Variants in TTC29 observed in about 807,000 individuals in gnomAD.
TTC29 encodes the protein tetratricopeptide repeat protein 29.
Under a neutral mutation model 58.1 loss-of-function variants are expected in TTC29, and 49 were observed. That is an observed-to-expected ratio of 0.84 (90% CI 0.67 to 1.07). TTC29 has a LOEUF of 1.07. Among genes scored for constraint, TTC29 ranks in the 50% least tolerant of loss-of-function variants. TTC29 has a pLI of 0.00. For synonymous variants in TTC29, 209 were observed against 196.8 expected (o/e 1.06, Z -0.52); for missense variants, 582 against 555.6 (o/e 1.05, Z -0.48).
intron 10 of TTC29, among the ~76,000 whole-genome samples, chr4:146,816,402 A>T (rs936191220): frequency 6.6e-6 from 1 of 152,190 alleles, no homozygotes; most frequent in Non-Finnish European, 1.5e-5. Flanking sequence ...AGAGGAGTCA[A>T]TAAAGGCAAA....
Position 146,867,568 on chromosome 4 carries a change from A to C in TTC29, c.815T>G (p.Met272Arg). 6.5e-7 allele frequency: 1 copy of C among 1,530,250 alleles called. No individual in the cohort carries two copies. Among genetic ancestry groups the C allele is most frequent in the African/African-American group, 1.4e-5 (1 of 72,408 alleles). 94.8% of individuals were successfully genotyped at this position (1,530,250 alleles called of 1,614,324 possible). ...EIAKEGSDKK[M>R]EAEASYYLGL... ...CAAGTAGTAAGAGGCTTCCGCTTCC[A>C]TCTTTTTGTCACTTCCTGAAGTGAA... Residue 272 changes from methionine (M) to arginine (R), a missense_variant, in exon 8 of 13, where the codon ATG (methionine) becomes AGG (arginine). Met to Arg is a moderately conservative substitution (Grantham distance 91). Transcript: ENST00000325106.
intron 6 of TTC29, among the ~76,000 whole-genome samples, chr4:146,876,026 C>T (rs753405276): frequency 1.3e-4 from 20 of 152,204 alleles, no homozygotes; most frequent in Non-Finnish European, 2.8e-4. Context: ...TATCTAGGCA[C>T]TCCAACCATA....
intron 6 of TTC29, among the ~76,000 whole-genome samples, chr4:146,879,835 T>C (rs1731506544): frequency 6.6e-6 from 1 of 152,160 alleles, no homozygotes; most frequent in East Asian, 1.9e-4. Flanking sequence ...ATACAAAGGT[T>C]AACAGAAAAC....
At chr4:146,818,869 A>G (rs1034183527) in intron 10 of TTC29, among the ~76,000 whole-genome samples, 1 of 151,118 alleles carries the variant, frequency 6.6e-6, no homozygotes, top group East Asian at 2.0e-4. Flanking sequence ...TCACTCATAG[A>G]TGGGAATTGA....
chr4:146,729,809 C>T (rs190396130), intron 11 of TTC29, among the ~76,000 whole-genome samples: 116 of 151,962 alleles, frequency 7.6e-4, no homozygotes, highest in African/African-American at 2.8e-3. Context: ...CTTATAAAAC[C>T]ATCAGATCTT....
At chr4:146,890,842 CTGTTTTT>C (rs1476818805) in intron 6 of TTC29, among the ~76,000 whole-genome samples, 10 of 152,024 alleles carry the variant, frequency 6.6e-5, no homozygotes, top group Non-Finnish European at 1.2e-4. Context: ...TGTTTGTTTT[CTGTTTTT>C]TGTTTTTTGC....
intron 8 of TTC29, among the ~76,000 whole-genome samples, chr4:146,852,431 A>G (rs1471483953): frequency 1.3e-5 from 2 of 152,218 alleles, no homozygotes; most frequent in African/African-American, 4.8e-5. Flanking sequence ...TGCATCTGCT[A>G]GCTTTGTGAC....
intron 4 of TTC29, among the ~76,000 whole-genome samples, chr4:146,917,754 T>G (rs1734335547): frequency 6.8e-6 from 1 of 147,052 alleles, no homozygotes; most frequent in Admixed American, 6.8e-5. Context: ...TATATAAAAT[T>G]CTCCTTGTAA....
intron 8 of TTC29, among the ~76,000 whole-genome samples, chr4:146,841,609 T>C (rs945621203): frequency 6.6e-6 from 1 of 152,062 alleles, no homozygotes; most frequent in African/African-American, 2.4e-5. Flanking sequence ...TATTCCTTTC[T>C]CTGCTTGCCA....
chr4:146,839,902 T>C (rs907090215), intron 8 of TTC29, among the ~76,000 whole-genome samples: 2 of 151,902 alleles, frequency 1.3e-5, no homozygotes, highest in African/African-American at 4.8e-5. Context: ...AATTAATTCA[T>C]ACTTATACAT....
chr4:146,803,584 T>C lies in TTC29; in HGVS notation c.1203A>G (p.Gly401=). The part of the protein sequence containing the change: ...PLMDETKVHY[G]IAKAHQMMLT... ...GCATCATCTGATGAGCTTTTGCTAT[T>C]CCATAGTGAACTTTTGTCTCATCCA... The change falls in exon 11 of 13, where the codon GGA becomes GGG. Residue 401 remains glycine (G), a synonymous_variant. Transcript: ENST00000325106. 1 of 1,608,286 alleles carries C rather than the reference T, an allele frequency of 6.2e-7. No homozygotes were observed. The highest frequency in any genetic ancestry group is 8.5e-7 in the Non-Finnish European group (1 of 1,176,966).
At chr4:146,749,655 C>A (rs1745827817) in intron 11 of TTC29, among the ~76,000 whole-genome samples, 1 of 152,060 alleles carries the variant, frequency 6.6e-6, no homozygotes, top group Non-Finnish European at 1.5e-5. Context: ...CTCCCCAAGT[C>A]CTGGGAGAGA....
intron 4 of TTC29, among the ~76,000 whole-genome samples, chr4:146,922,435 A>G (rs1173364548): frequency 6.6e-6 from 1 of 151,656 alleles, no homozygotes; most frequent in African/African-American, 2.4e-5. Flanking sequence ...ACCAAGAAAA[A>G]CAAAAACAGA....
intron 11 of TTC29, among the ~76,000 whole-genome samples, chr4:146,736,709 A>G (rs989769835): frequency 6.6e-6 from 1 of 152,212 alleles, no homozygotes; most frequent in African/African-American, 2.4e-5. Flanking sequence ...ACTGAAGGAC[A>G]TAAAATGATC....
At position 146,814,195 on chromosome 4, in the gene TTC29, C is replaced by T. The variant is rs2150132011; in HGVS notation, c.1101+5930G>A. Among the ~76,000 whole-genome samples, 3 of 152,274 alleles carry T rather than the reference C, an allele frequency of 2.0e-5. No individual in the cohort carries two copies. In the South Asian group the frequency reaches 6.2e-4, roughly 32 times the overall value. Reference sequence around the variant, plus strand: ...ATAGTTTCCGCTCTCATTAAACTTACATTTTGGCCAAATTAAACAACAATA... The same window carrying T: ...ATAGTTTCCGCTCTCATTAAACTTATATTTTGGCCAAATTAAACAACAATA... On this transcript the variant is annotated intron_variant, in intron 10 of 12. Transcript: ENST00000325106.
intron 6 of TTC29, among the ~76,000 whole-genome samples, chr4:146,878,141 C>G (rs548174540): frequency 8.8e-4 from 134 of 152,140 alleles, no homozygotes; most frequent in Non-Finnish European, 1.3e-3. Flanking sequence ...GTCCTCAGGA[C>G]ACTGGTTTCA....
intron 2 of TTC29, among the ~76,000 whole-genome samples, chr4:146,941,758 G>A (rs1447310001): frequency 1.3e-5 from 2 of 152,228 alleles, no homozygotes; most frequent in African/African-American, 2.4e-5. Flanking sequence ...GAATTGACAC[G>A]ATCTGACTTG....
intron 11 of TTC29, among the ~76,000 whole-genome samples, chr4:146,726,135 A>T (rs1441285772): frequency 6.6e-6 from 1 of 151,988 alleles, no homozygotes; most frequent in South Asian, 2.1e-4. Context: ...TTGGCCTCCC[A>T]AAATGTTTGG....
At chr4:146,762,445 T>A (rs1057289637) in intron 11 of TTC29, among the ~76,000 whole-genome samples, 1 of 151,834 alleles carries the variant, frequency 6.6e-6, no homozygotes, top group African/African-American at 2.4e-5. Flanking sequence ...CCACTGCTGT[T>A]ACAGTCAACA....
Sources: allele counts gnomAD v4.1 joint callset (sites outside exome capture counted in the v4.1 genomes callset), GRCh38; gene constraint gnomAD v4.1.1; transcripts MANE v1.5; gene names NCBI Gene and HGNC (gene_info 2026-07-23, HGNC 2026-07-21).